SLC35F4: variants seen among roughly 807,000 people sequenced by gnomAD.
SLC35F4 encodes chromosome 14 open reading frame 36.
A neutral mutation model predicts 44.2 loss-of-function variants in SLC35F4; 24 were observed. The observed-to-expected ratio is 0.54, with a 90% confidence interval of 0.39 to 0.76. SLC35F4 has a LOEUF of 0.76. Ranked by LOEUF, SLC35F4 falls within the 30% of genes least tolerant of loss-of-function variation. The pLI, the probability that SLC35F4 is intolerant of heterozygous loss-of-function variation, is 0.00. For missense variants in SLC35F4, 562 were observed against 586.1 expected, an observed-to-expected ratio of 0.96 and a Z score of 0.42; for synonymous variants, 238 against 223.6, an observed-to-expected ratio of 1.06 and a Z score of -0.57.
intron 1 of SLC35F4, among the ~76,000 whole-genome samples, chr14:57,771,051 C>A (rs913538911): frequency 2.6e-5 from 4 of 152,174 alleles, no homozygotes; most frequent in Admixed American, 6.5e-5. Flanking sequence ...TGTCTCATAA[C>A]CAATTTCTGT....
chr14:57,960,542 G>C (rs1890318971), intron 1 of SLC35F4, among the ~76,000 whole-genome samples: 1 of 152,238 alleles, frequency 6.6e-6, no homozygotes, highest in Admixed American at 6.5e-5. Flanking sequence ...ACTTAAGAAT[G>C]CTCAATTATG....
At chr14:57,694,334 T>G (rs575764490) in intron 1 of SLC35F4, among the ~76,000 whole-genome samples, 106 of 152,310 alleles carry the variant, frequency 7.0e-4, no homozygotes, top group African/African-American at 2.4e-3. Context: ...AAATAGGTAT[T>G]TATCAAAAAT....
At chr14:57,763,563 C>T (rs571693370) in intron 1 of SLC35F4, among the ~76,000 whole-genome samples, 2 of 152,208 alleles carry the variant, frequency 1.3e-5, no homozygotes, top group South Asian at 4.1e-4. Flanking sequence ...GTCTATTAAG[C>T]TGTTTTGAGG....
chr14:57,920,247 TC>T (rs1248776004), intron 1 of SLC35F4, among the ~76,000 whole-genome samples: 2 of 152,100 alleles, frequency 1.3e-5, no homozygotes, highest in African/African-American at 4.8e-5. Context: ...ACTTCCTAAT[TC>T]CCAAGTCAGA....
chr14:57,706,600 G>A (rs2075682387), intron 1 of SLC35F4, among the ~76,000 whole-genome samples: 1 of 152,122 alleles, frequency 6.6e-6, no homozygotes. Context: ...ACTTACCCTG[G>A]GTAGTCAAAG....
At position 57,855,632 on chromosome 14, in the gene SLC35F4, G is replaced by A. The variant is rs187656188; in HGVS notation, c.103+10091C>T. 3.0e-3 allele frequency among the ~76,000 whole-genome samples: 453 copies of A among 152,278 alleles called. 3 individuals are homozygous for A. Among genetic ancestry groups the A allele is most frequent in the African/African-American group, 0.01 (418 of 41,558 alleles). On this transcript the variant is annotated intron_variant, in intron 1 of 7. Transcript: ENST00000556826. ...CAACCATTGTGGAAGACAGTGTGGCGATTCCTCAAGGATCTAGAACTAGAA... is the reference window on the plus strand; with the variant it reads ...CAACCATTGTGGAAGACAGTGTGGCAATTCCTCAAGGATCTAGAACTAGAA...
intron 1 of SLC35F4, among the ~76,000 whole-genome samples, chr14:57,804,921 CAAGACA>C (rs1222738960): frequency 6.6e-6 from 1 of 151,836 alleles, no homozygotes; most frequent in Non-Finnish European, 1.5e-5. Flanking sequence ...AACAAATTTA[CAAGACA>C]AAGACAAAGA....
At chr14:57,811,678 G>A (rs1881983355) in intron 1 of SLC35F4, among the ~76,000 whole-genome samples, 1 of 152,242 alleles carries the variant, frequency 6.6e-6, no homozygotes, top group East Asian at 1.9e-4. Flanking sequence ...ATGGCTAGCA[G>A]ACTTGGAATG....
At chr14:57,683,312 A>G (rs912098331) in intron 1 of SLC35F4, among the ~76,000 whole-genome samples, 2 of 152,228 alleles carry the variant, frequency 1.3e-5, no homozygotes, top group Non-Finnish European at 2.9e-5. Flanking sequence ...AAATAAAATT[A>G]TTTCAGCAAA....
chr14:57,577,325 CT>C (rs1469224767), intron 4 of SLC35F4, among the ~76,000 whole-genome samples: 2 of 152,086 alleles, frequency 1.3e-5, no homozygotes, highest in Non-Finnish European at 2.9e-5. Flanking sequence ...TTGAAAACAG[CT>C]ATAGTTTGGG....
chr14:57,774,703 C>T (rs368085514), intron 1 of SLC35F4, among the ~76,000 whole-genome samples: 10 of 152,296 alleles, frequency 6.6e-5, no homozygotes, highest in Middle Eastern at 3.4e-3. Flanking sequence ...GTGGACTGCA[C>T]CTGACCGGAG....
intron 1 of SLC35F4, among the ~76,000 whole-genome samples, chr14:57,854,113 G>A (rs1886849579): frequency 6.6e-6 from 1 of 152,066 alleles, no homozygotes; most frequent in African/African-American, 2.4e-5. Context: ...GAAATGTTAG[G>A]TGGGAAAAAA....
chr14:57,904,181 T>C (rs1278506735), intron 1 of SLC35F4, among the ~76,000 whole-genome samples: 3 of 152,232 alleles, frequency 2.0e-5, no homozygotes, highest in Non-Finnish European at 4.4e-5. Context: ...TCTGAATTAT[T>C]CATTTCACCA....
Position 57,667,529 on chromosome 14 carries a change from C to T in SLC35F4, c.104-73405G>A, listed in dbSNP as rs1004039108. The stretch of plus-strand genomic sequence containing the variant: ...GCCCCAGTGTGTGATGTTCCCCTTC[C>T]TGTGTCCACATGTTCTCAATGTTCA... On this transcript the variant is annotated intron_variant, in intron 1 of 7. Transcript: ENST00000556826. 2.7e-5 allele frequency among the ~76,000 whole-genome samples: 4 copies of T among 147,658 alleles called. No homozygotes were observed. The South Asian group carries it at 8.9e-4, about 33-fold the overall frequency.
intron 1 of SLC35F4, among the ~76,000 whole-genome samples, chr14:57,875,793 G>A (rs766988672): frequency 6.6e-6 from 1 of 152,208 alleles, no homozygotes; most frequent in Non-Finnish European, 1.5e-5. Context: ...AATGGATTCT[G>A]CCTCGTGGTG....
chr14:57,694,618 A>C (rs566114938), intron 1 of SLC35F4, among the ~76,000 whole-genome samples: 1 of 152,306 alleles, frequency 6.6e-6, no homozygotes, highest in African/African-American at 2.4e-5. Context: ...TCTATCCCTC[A>C]GTTTGGGGAA....
At chr14:57,598,679 C>G (rs923714729) in intron 1 of SLC35F4, among the ~76,000 whole-genome samples, 1 of 152,138 alleles carries the variant, frequency 6.6e-6, no homozygotes, top group Admixed American at 6.5e-5. Context: ...AAACAAAGGC[C>G]TTACCATTGG....
At chr14:57,575,650 A>C (rs1730307321) in intron 4 of SLC35F4, among the ~76,000 whole-genome samples, 2 of 152,212 alleles carry the variant, frequency 1.3e-5, no homozygotes, top group African/African-American at 4.8e-5. Context: ...ACCTGGGGTG[A>C]GTCATTGAAG....
At chr14:57,966,549 T>G (rs1890441722) in intron 1 of SLC35F4, among the ~76,000 whole-genome samples, 1 of 152,284 alleles carries the variant, frequency 6.6e-6, no homozygotes, top group African/African-American at 2.4e-5. Flanking sequence ...GAATATAATA[T>G]TATATCACTG....
Sources: gnomAD v4.1 joint callset for allele counts (sites outside exome capture counted in the v4.1 genomes callset) on GRCh38, gnomAD v4.1.1 for gene constraint, MANE v1.5 for transcripts, NCBI Gene and HGNC (gene_info 2026-07-23, HGNC 2026-07-21) for gene names.